The following HIVEP1 variants were observed in gnomAD, a reference collection of about 807,000 sequenced individuals.
The protein encoded by HIVEP1 is zinc finger protein 40.
A neutral mutation model predicts 180.0 loss-of-function variants in HIVEP1; 36 were observed. That is an observed-to-expected ratio of 0.20 (90% CI 0.15 to 0.26). The LOEUF (loss-of-function observed/expected upper bound fraction) is 0.26, where lower values mean the gene tolerates loss of function less well. Ranked by LOEUF, HIVEP1 falls within the 10% of genes least tolerant of loss-of-function variation. HIVEP1 has a pLI of 1.00. For synonymous variants in HIVEP1, 1,239 were observed against 1,239.0 expected, an observed-to-expected ratio of 1.00 and a Z score of 0.00; for missense variants, 3,143 against 3,268.7, an observed-to-expected ratio of 0.96 and a Z score of 0.94.
At position 12,120,068 on chromosome 6, in the gene HIVEP1, G is replaced by A. The variant is rs1428241937; in HGVS notation, c.273G>A (p.Ser91=). ...CTTTCGCCGTTCTTCATAGTGCTTC[G>A]GAGTCTCACAAGAAACAGAATTATA... The part of the protein sequence containing the change: ...ESSFAVLHSA[S]ESHKKQNYIP... The change falls in exon 4 of 9, where the codon TCG becomes TCA. Residue 91 remains serine (S), a synonymous_variant. Coordinates refer to ENST00000379388, the MANE Select transcript of HIVEP1 (RefSeq NM_002114.4). 5.0e-6 allele frequency: 8 copies of A among 1,612,760 alleles called. No homozygotes were observed. Among genetic ancestry groups the A allele is most frequent in the Middle Eastern group, 1.6e-4 (1 of 6,078 alleles).
chr6:12,012,234 G>T (rs1767380953), upstream of HIVEP1: 1 of 125,958 alleles, frequency 7.9e-6, no homozygotes, highest in Non-Finnish European at 1.7e-5. Context: ...TGCGGCCCCC[G>T]CCCGCGCGCC....
At chr6:12,015,816 A>G (rs1767704633) in intron 2 of HIVEP1, 148 bp downstream of exon 2, 2 of 654,712 alleles carry the variant, frequency 3.1e-6, no homozygotes, top group East Asian at 2.7e-5. Context: ...AGTCCTGCAC[A>G]ATTCCTGTCT....
intron 1 of HIVEP1, among the ~76,000 whole-genome samples, chr6:12,014,340 T>G (rs530023735): frequency 2.5e-4 from 38 of 152,224 alleles, no homozygotes; most frequent in African/African-American, 9.2e-4. Context: ...TACCACATTC[T>G]TTAGTTGTTT....
At chr6:12,165,270 A>G (rs1466636242), downstream of HIVEP1, 1 of 337,590 alleles carries the variant, frequency 3.0e-6, no homozygotes, top group African/African-American at 2.3e-5. Context: ...TAAAGCATAT[A>G]GCCTAAAATG....
Position 12,125,199 on chromosome 6 carries a change from GT to G in HIVEP1, c.5407del (p.Cys1803ValfsTer9), listed in dbSNP as rs1158176973. ...KQKKPILVRQ[V>X]CTTEPLDGVM... is the part of the protein sequence containing the mutation. ...GAAGAAGCCTATTTTAGTGAGACAGGTTTGTACTACAGAGCCCCTGGACGGT... is the reference window on the plus strand; with the variant it reads ...GAAGAAGCCTATTTTAGTGAGACAGGTTGTACTACAGAGCCCCTGGACGGT... On this transcript the variant is annotated frameshift_variant, in exon 4 of 9. Coordinates refer to ENST00000379388, the MANE Select transcript of HIVEP1 (RefSeq NM_002114.4). LOFTEE classifies it high-confidence loss of function. The G allele has an allele frequency of 6.2e-7, 1 of 1,614,120 alleles. No individual in the cohort carries two copies. Among genetic ancestry groups the G allele is most frequent in the East Asian group, 2.2e-5 (1 of 44,882 alleles).
At chr6:12,148,745 C>T (rs1293892611) in intron 7 of HIVEP1, among the ~76,000 whole-genome samples, 1 of 152,198 alleles carries the variant, frequency 6.6e-6, no homozygotes. Flanking sequence ...AAGTCAGCCT[C>T]TTTTATTCCA....
intron 2 of HIVEP1, among the ~76,000 whole-genome samples, chr6:12,022,648 A>G (rs1768315835): frequency 6.6e-6 from 1 of 152,242 alleles, no homozygotes; most frequent in African/African-American, 2.4e-5. Context: ...AGTGCCTGAC[A>G]CAGGGTACAC....
chr6:12,165,363 G>A (rs1173398332), downstream of HIVEP1, among the ~76,000 whole-genome samples: 1 of 152,154 alleles, frequency 6.6e-6, no homozygotes, highest in African/African-American at 2.4e-5. Context: ...GCTCAGATGA[G>A]ACCCGTATAA....
At chr6:12,199,378 T>TTTTTTG in the HIVEP1 span, among the ~76,000 whole-genome samples, 1 of 135,310 alleles carries the variant, frequency 7.4e-6, no homozygotes. Context: ...TTTTTTTTTT[T>TTTTTTG]GAGATGTTGT....
At chr6:12,138,341 T>C (rs1195415546) in intron 7 of HIVEP1, among the ~76,000 whole-genome samples, 1 of 152,244 alleles carries the variant, frequency 6.6e-6, no homozygotes, top group Non-Finnish European at 1.5e-5. Context: ...GTTTATTGAT[T>C]ACTAAGATTG....
intron 2 of HIVEP1, among the ~76,000 whole-genome samples, chr6:12,050,689 C>T (rs1770452855): frequency 1.3e-5 from 2 of 152,214 alleles, no homozygotes; most frequent in East Asian, 1.9e-4. Flanking sequence ...AAGATTAGCT[C>T]TCGCAGTCGG....
chr6:12,146,824 T>A (rs1759401393), intron 7 of HIVEP1, among the ~76,000 whole-genome samples: 1 of 152,114 alleles, frequency 6.6e-6, no homozygotes, highest in Non-Finnish European at 1.5e-5. Context: ...TGTGCACAAT[T>A]ACTATCGCCC....
chr6:12,175,900 A>G, the HIVEP1 span, among the ~76,000 whole-genome samples: 1 of 152,126 alleles, frequency 6.6e-6, no homozygotes, highest in African/African-American at 2.4e-5. Flanking sequence ...TCTTGGTGCA[A>G]CCTAACAGGG....
chr6:12,094,422 C>G (rs1467208049), intron 3 of HIVEP1, among the ~76,000 whole-genome samples: 2 of 151,906 alleles, frequency 1.3e-5, no homozygotes, highest in Non-Finnish European at 2.9e-5. Flanking sequence ...AATTTTTCAC[C>G]ATTAAAATGT....
At chr6:12,150,172 T>A (rs774026012) in intron 7 of HIVEP1, among the ~76,000 whole-genome samples, 1 of 152,232 alleles carries the variant, frequency 6.6e-6, no homozygotes, top group African/African-American at 2.4e-5. Flanking sequence ...ATTCCCTTGT[T>A]TTCTTGCCAT....
chr6:12,111,189 C>T (rs973433718), intron 3 of HIVEP1, among the ~76,000 whole-genome samples: 12 of 152,102 alleles, frequency 7.9e-5, no homozygotes, highest in Non-Finnish European at 1.3e-4. Flanking sequence ...TGAAGTATTG[C>T]AAGAATTAGA....
At chr6:12,111,877 G>A (rs1774917752) in intron 3 of HIVEP1, among the ~76,000 whole-genome samples, 2 of 152,216 alleles carry the variant, frequency 1.3e-5, no homozygotes, top group African/African-American at 4.8e-5. Flanking sequence ...TCCAGAGGTT[G>A]GGGTGTGGCC....
At chr6:12,043,995 G>A (rs2113691050) in intron 2 of HIVEP1, among the ~76,000 whole-genome samples, 1 of 152,158 alleles carries the variant, frequency 6.6e-6, no homozygotes, top group East Asian at 1.9e-4. Context: ...TTGAAGATGG[G>A]GAGCGTGTGA....
Position 12,135,825 on chromosome 6 carries a change from T to C in HIVEP1, c.6420T>C (p.His2140=). 1.2e-6 allele frequency: 2 copies of C among 1,612,578 alleles called. No individual in the cohort carries two copies. Among genetic ancestry groups the C allele is most frequent in the Non-Finnish European group, 1.7e-6 (2 of 1,178,758 alleles). ...CAAAACACATGAAGTCCAAGGCACA[T>C]AGCAAGAAATGTGTGGATTTAGGCG... ...NLTKHMKSKA[H]SKKCVDLGVS... The change falls in exon 7 of 9, where the codon CAT becomes CAC. Residue 2140 remains histidine (H), a synonymous_variant. Coordinates refer to ENST00000379388, the MANE Select transcript of HIVEP1 (RefSeq NM_002114.4).
Sources: allele counts gnomAD v4.1 joint callset (sites outside exome capture counted in the v4.1 genomes callset), GRCh38; gene constraint gnomAD v4.1.1; transcripts MANE v1.5; gene names NCBI Gene and HGNC (gene_info 2026-07-23, HGNC 2026-07-21).